CHD9: variants seen among roughly 807,000 people sequenced by gnomAD.
CHD9 encodes chromodomain helicase DNA binding protein 9.
Under a neutral mutation model 316.1 loss-of-function variants are expected in CHD9, and 77 were observed. The observed-to-expected ratio is 0.24, with a 90% CI of 0.20 to 0.29. The LOEUF (loss-of-function observed/expected upper bound fraction) is 0.29. Ranked by LOEUF, CHD9 falls within the 10% of genes least tolerant of loss-of-function variation. The probability of loss-of-function intolerance (pLI) is 1.00; values close to 1 mark genes in which losing one functional copy is unlikely to be tolerated. For missense variants in CHD9, 2,763 were observed against 3,438.1 expected (o/e 0.80, Z 4.91); for synonymous variants, 1,129 against 1,158.3 (o/e 0.97, Z 0.51).
At chr16:53,068,651 CTT>C (rs2033737688) in intron 1 of CHD9, among the ~76,000 whole-genome samples, 1 of 152,202 alleles carries the variant, frequency 6.6e-6, no homozygotes, top group South Asian at 2.1e-4. Flanking sequence ...GCCCTCATCA[CTT>C]TTAACCCATT....
At chr16:53,066,810 G>A (rs2033566765) in intron 1 of CHD9, among the ~76,000 whole-genome samples, 1 of 152,116 alleles carries the variant, frequency 6.6e-6, no homozygotes, top group African/African-American at 2.4e-5. Context: ...TAGCGGGCCA[G>A]TTTCTGAGGA....
chr16:53,303,881 G>A lies in CHD9; in HGVS notation c.5875G>A (p.Val1959Ile), dbSNP rs781124346. The change falls in exon 31 of 39, where the codon GTC becomes ATC. Residue 1959 changes from valine (V) to isoleucine (I), a missense_variant. Physicochemically the swap from Val to Ile is conservative, Grantham distance 29. Around this residue, in one of 15 missense-constraint regions of CHD9, gnomAD observed 663 missense variants for 751.2 expected, o/e 0.88. Coordinates refer to ENST00000447540, the MANE Select transcript of CHD9 (RefSeq NM_001308319.2). ...KLCHPNPDLP[V>I]WWECGPHDRD... ...TTGCCATCCAAATCCAGATTTACCA[G>A]TCTGGTGGGAATGTGGCCCTCATGA... is the stretch of plus-strand genomic sequence containing the variant. 6.2e-7 allele frequency: 1 copy of A among 1,614,018 alleles called. No homozygotes were observed. The highest frequency in any genetic ancestry group is 8.5e-7 in the Non-Finnish European group (1 of 1,179,886).
At chr16:53,067,270 A>G (rs2033615035) in intron 1 of CHD9, among the ~76,000 whole-genome samples, 1 of 152,136 alleles carries the variant, frequency 6.6e-6, no homozygotes, top group Non-Finnish European at 1.5e-5. Flanking sequence ...TTATATTGCT[A>G]TGGTACATTT....
chr16:53,291,680 C>T (rs2054353131), intron 27 of CHD9, 45 bp from the exon 28 acceptor site: 1 of 1,335,380 alleles, frequency 7.5e-7, no homozygotes, highest in Non-Finnish European at 1.0e-6. Flanking sequence ...TTATATATCT[C>T]TTGACCCAAT....
chr16:53,266,481 G>A (rs375262546), intron 20 of CHD9, among the ~76,000 whole-genome samples: 35 of 152,134 alleles, frequency 2.3e-4, no homozygotes, highest in African/African-American at 7.2e-4. Context: ...TTCCCTCACT[G>A]CCTGGCAAAC....
intron 2 of CHD9, among the ~76,000 whole-genome samples, chr16:53,183,414 A>G (rs745938341): frequency 6.6e-6 from 1 of 152,280 alleles, no homozygotes; most frequent in South Asian, 2.1e-4. Context: ...TAGGAGAGAA[A>G]GGGGAAGGAA....
chr16:53,209,671 G>C lies in CHD9; in HGVS notation c.1642G>C (p.Val548Leu), dbSNP rs2046174338. 6.2e-7 allele frequency: 1 copy of C among 1,613,862 alleles called. No homozygotes were observed. Among genetic ancestry groups the C allele is most frequent in the Non-Finnish European group, 8.5e-7 (1 of 1,179,818 alleles). Residue 548 changes from valine (V) to leucine (L), a missense_variant, in exon 3 of 39, where the codon GTA (valine) becomes CTA (leucine). Coordinates refer to ENST00000447540, the MANE Select transcript of CHD9 (RefSeq NM_001308319.2). ...GCGTGGGGAACGCAATATTCCACGA[G>C]TAATGAGCCCTGAAAACTTTCCTAC... ...KERGERNIPR[V>L]MSPENFPTAS... is the part of the protein sequence containing the mutation.
intron 1 of CHD9, among the ~76,000 whole-genome samples, chr16:53,086,083 A>G (rs909904821): frequency 2.0e-5 from 3 of 152,112 alleles, no homozygotes; most frequent in African/African-American, 7.2e-5. Flanking sequence ...TATGTTTGAG[A>G]GGAAAGAAAA....
At chr16:53,163,372 G>A (rs1457957355) in intron 2 of CHD9, among the ~76,000 whole-genome samples, 3 of 151,952 alleles carry the variant, frequency 2.0e-5, no homozygotes, top group Non-Finnish European at 2.9e-5. Context: ...CACCACGCCC[G>A]GCTAATTTTG....
intron 2 of CHD9, among the ~76,000 whole-genome samples, chr16:53,207,290 G>A (rs926668451): frequency 1.3e-5 from 2 of 152,320 alleles, no homozygotes; most frequent in African/African-American, 2.4e-5. Flanking sequence ...TCAAATTCAA[G>A]TTGACTTGCT....
chr16:53,285,645 G>A lies in CHD9; in HGVS notation c.5017G>A (p.Glu1673Lys). The change falls in exon 25 of 39, where the codon GAG (glutamate) becomes AAG (lysine). Residue 1673 changes from glutamate (E) to lysine (K), a missense_variant. Physicochemically the swap from Glu to Lys is moderately conservative, Grantham distance 56. Transcript: ENST00000447540. ...ACCAGACCACTCAGAAGTTCCTGCT[G>A]AGTGGTGGGATTTTGATGCTGATAA... ...PEPDHSEVPA[E>K]WWDFDADKSL... 1 of 1,608,598 alleles carries A rather than the reference G, an allele frequency of 6.2e-7. No homozygotes were observed. Among genetic ancestry groups the A allele is most frequent in the Non-Finnish European group, 8.5e-7 (1 of 1,177,314 alleles).
At chr16:53,070,476 C>CTTTG in intron 1 of CHD9, among the ~76,000 whole-genome samples, 1 of 148,792 alleles carries the variant, frequency 6.7e-6, no homozygotes, top group Non-Finnish European at 1.5e-5. Context: ...GCATGTCTTT[C>CTTTG]TTTCTTTCTT....
rs368802058 is a variant in CHD9, at chr16:53,156,736, T to C, written c.647T>C (p.Met216Thr). ...GTCAATGTTAACCACCCACCACAGA[T>C]GACTAATGCATCTAATTCACAACAG... ...HRVNVNHPPQ[M>T]TNASNSQQSI... The change falls in exon 2 of 39, where the codon ATG (methionine) becomes ACG (threonine). Residue 216 changes from methionine to threonine, a missense_variant. By Grantham distance (81) the Met-to-Thr change is moderately conservative. Coordinates refer to ENST00000447540, the MANE Select transcript of CHD9 (RefSeq NM_001308319.2). The C allele has an allele frequency of 2.5e-6, 4 of 1,613,806 alleles. No individual in the cohort carries two copies. The African/African-American group carries it at 5.3e-5, about 22-fold the overall frequency.
chr16:53,056,239 T>TC (rs975472980), intron 1 of CHD9, among the ~76,000 whole-genome samples: 2 of 151,760 alleles, frequency 1.3e-5, no homozygotes, highest in Non-Finnish European at 2.9e-5. Flanking sequence ...GGGCATAGAT[T>TC]CCCCCCCATA....
intron 24 of CHD9, among the ~76,000 whole-genome samples, chr16:53,274,647 G>A (rs553323982): frequency 7.9e-5 from 12 of 151,978 alleles, no homozygotes; most frequent in African/African-American, 2.7e-4. Context: ...TAGTAGAGAC[G>A]GGGTTTCACC....
At chr16:53,133,751 A>G (rs945216090) in intron 1 of CHD9, among the ~76,000 whole-genome samples, 1 of 152,212 alleles carries the variant, frequency 6.6e-6, no homozygotes, top group Admixed American at 6.5e-5. Flanking sequence ...AGGAAACCAT[A>G]GAATTTTCAA....
intron 1 of CHD9, among the ~76,000 whole-genome samples, chr16:53,063,807 A>G (rs1382876847): frequency 6.7e-6 from 1 of 149,014 alleles, no homozygotes; most frequent in African/African-American, 2.5e-5. Flanking sequence ...CTGGGATTAC[A>G]GGCATAAGCC....
At chr16:53,276,251 C>T (rs1248139650) in intron 24 of CHD9, among the ~76,000 whole-genome samples, 1 of 152,154 alleles carries the variant, frequency 6.6e-6, no homozygotes, top group East Asian at 1.9e-4. Context: ...CTCAGCTAGC[C>T]ATTTACTTCT....
chr16:53,098,490 AAAG>A (rs1200085824), intron 1 of CHD9, among the ~76,000 whole-genome samples: 87 of 147,776 alleles, frequency 5.9e-4, no homozygotes, highest in African/African-American at 2.1e-3. Flanking sequence ...AAAAAAAAAA[AAAG>A]AAAGAAAGAA....
Sources: allele counts gnomAD v4.1 joint callset (sites outside exome capture counted in the v4.1 genomes callset), GRCh38; gene constraint gnomAD v4.1.1; regional missense constraint gnomAD v4.1.1; transcripts MANE v1.5; gene names NCBI Gene and HGNC (gene_info 2026-07-23, HGNC 2026-07-21).